MALRD1: variants seen among roughly 807,000 people sequenced by gnomAD.
The protein encoded by MALRD1 is MAM and LDL-receptor class A domain-containing protein 1.
Under a neutral mutation model 242.1 loss-of-function variants are expected in MALRD1, and 247 were observed. That is an observed-to-expected ratio of 1.02 (90% confidence interval 0.92 to 1.13). MALRD1 has a LOEUF of 1.13. Ranked by LOEUF, MALRD1 falls within the 50% of genes most tolerant of loss-of-function variation. The pLI, the probability that MALRD1 is intolerant of heterozygous loss-of-function variation, is 0.00. For missense variants in MALRD1, 2,989 were observed against 2,533.1 expected (o/e 1.18, Z -3.86); for synonymous variants, 995 against 866.6 (o/e 1.15, Z -2.60).
chr10:19,692,640 C>A, intron 38 of MALRD1, 86 bp downstream of exon 38: 1 of 1,039,154 alleles, frequency 9.6e-7, no homozygotes, highest in Non-Finnish European at 1.4e-6. Flanking sequence ...TTTTCTTTCA[C>A]TCCATATTAC....
chr10:19,449,456 C>G (rs1294258102), intron 28 of MALRD1, among the ~76,000 whole-genome samples: 1 of 152,130 alleles, frequency 6.6e-6, no homozygotes, highest in African/African-American at 2.4e-5. Flanking sequence ...TCTAAAAATT[C>G]CAAAATACGT....
chr10:19,357,414 T>C (rs1256978361), intron 26 of MALRD1, among the ~76,000 whole-genome samples: 1 of 152,178 alleles, frequency 6.6e-6, no homozygotes, highest in Non-Finnish European at 1.5e-5. Context: ...GTATTTTTTA[T>C]ATCTCTACCT....
At position 19,128,366 on chromosome 10, in the gene MALRD1, A is replaced by G; in HGVS notation, c.1089A>G (p.Arg363=). The stretch of plus-strand genomic sequence containing the variant: ...ATGCAATGGAAAGCAGTGTCCTGAG[A>G]GTAAGACTGTATAATAATAAGGTAA... ...FYYAMESSVL[R]VRLYNNKEEE... The change falls in exon 8 of 40, where the codon AGA becomes AGG. Residue 363 remains arginine (R), a synonymous_variant. Transcript: ENST00000454679. The G allele has an allele frequency of 8.1e-7, 1 of 1,233,158 alleles. No individual in the cohort carries two copies. Among genetic ancestry groups the G allele is most frequent in the Non-Finnish European group, 1.0e-6 (1 of 987,570 alleles). 76.4% of individuals were successfully genotyped at this position (1,233,158 alleles called of 1,614,324 possible). A position where few individuals can be genotyped will look rare whatever the true frequency, so the allele number is the denominator to read the frequency against.
At chr10:19,238,463 A>ATTATACATT (rs1554817755) in intron 18 of MALRD1, among the ~76,000 whole-genome samples, 5 of 36,976 alleles carry the variant, frequency 1.4e-4, no homozygotes, top group African/African-American at 9.4e-4. Flanking sequence ...TATAATATAT[A>ATTATACATT]ATATAATATA....
At position 19,242,741 on chromosome 10, in the gene MALRD1, G is replaced by A. The variant is rs186018712; in HGVS notation, c.2992-14943G>A. ...GCCTTTTAAAATATGACATGACTGT[G>A]GCTACTCCTGCTTGCTTTTCATTTG... On this transcript the variant is annotated intron_variant, in intron 18 of 39. Coordinates refer to ENST00000454679, the MANE Select transcript of MALRD1 (RefSeq NM_001142308.3). Among the ~76,000 whole-genome samples the A allele has an allele frequency of 4.9e-4, 74 of 151,652 alleles. 1 individual carries two copies. In the South Asian group the frequency reaches 0.011, roughly 23 times the overall value.
intron 33 of MALRD1, among the ~76,000 whole-genome samples, chr10:19,572,105 T>TC (rs1437088155): frequency 2.6e-5 from 4 of 152,176 alleles, no homozygotes; most frequent in Non-Finnish European, 1.5e-5. Context: ...AGCAGTCCTA[T>TC]CCCCCACCAA....
chr10:19,726,408 C>G (rs979958254), intron 38 of MALRD1, among the ~76,000 whole-genome samples: 1 of 152,050 alleles, frequency 6.6e-6, no homozygotes, highest in Non-Finnish European at 1.5e-5. Context: ...TTCACATCCA[C>G]TGAGATAGCA....
chr10:19,203,292 A>C (rs1836631622), intron 14 of MALRD1, among the ~76,000 whole-genome samples: 1 of 152,192 alleles, frequency 6.6e-6, no homozygotes, highest in South Asian at 2.1e-4. Flanking sequence ...AATATAGTGT[A>C]TCTGGGATTC....
intron 9 of MALRD1, among the ~76,000 whole-genome samples, 192 bp downstream of exon 9, chr10:19,134,140 G>A (rs1426924482): frequency 4.6e-5 from 7 of 152,050 alleles, no homozygotes; most frequent in African/African-American, 1.4e-4. Context: ...CCCATGGCGG[G>A]GGAAATTGAG....
intron 22 of MALRD1, among the ~76,000 whole-genome samples, chr10:19,325,312 C>A (rs1041895233): frequency 6.6e-6 from 1 of 151,882 alleles, no homozygotes; most frequent in Non-Finnish European, 1.5e-5. Context: ...GCCCATTATT[C>A]TTTGAGCATA....
chr10:19,318,775 C>T (rs994089777), intron 21 of MALRD1, among the ~76,000 whole-genome samples: 2 of 151,918 alleles, frequency 1.3e-5, no homozygotes, highest in Admixed American at 1.3e-4. Context: ...ATTTTTATTA[C>T]ACATGTGCTT....
intron 32 of MALRD1, among the ~76,000 whole-genome samples, chr10:19,560,291 A>G (rs1483525636): frequency 6.6e-6 from 1 of 152,142 alleles, no homozygotes; most frequent in Non-Finnish European, 1.5e-5. Flanking sequence ...ACATGGTGAA[A>G]CACTGTCTCT....
At chr10:19,101,897 A>C (rs1349478873) in intron 4 of MALRD1, among the ~76,000 whole-genome samples, 1 of 137,532 alleles carries the variant, frequency 7.3e-6, no homozygotes, top group East Asian at 2.1e-4. Flanking sequence ...AATATATATT[A>C]ATATATAATA....
intron 21 of MALRD1, among the ~76,000 whole-genome samples, chr10:19,308,958 G>C (rs1490766652): frequency 5.3e-5 from 8 of 151,554 alleles, no homozygotes; most frequent in Non-Finnish European, 1.0e-4. Context: ...GTTTCTGTTT[G>C]TTTTAGATTT....
At chr10:19,244,970 A>G (rs572235218) in intron 18 of MALRD1, among the ~76,000 whole-genome samples, 2 of 152,298 alleles carry the variant, frequency 1.3e-5, no homozygotes, top group East Asian at 3.9e-4. Flanking sequence ...TCACAATAGT[A>G]TCTTAGATGA....
intron 19 of MALRD1, among the ~76,000 whole-genome samples, chr10:19,270,829 C>CACAT (rs1437518080): frequency 1.3e-5 from 2 of 151,508 alleles, no homozygotes; most frequent in Non-Finnish European, 2.9e-5. Context: ...CACACACACA[C>CACAT]ACACACACAC....
Position 19,108,479 on chromosome 10 carries a change from A to G in MALRD1, c.694+4404A>G, listed in dbSNP as rs1308917235. Among the ~76,000 whole-genome samples the G allele has an allele frequency of 8.6e-5, 2 of 23,350 alleles. 1 individual carries two copies. The highest frequency in any genetic ancestry group is 1.3e-4 in the Non-Finnish European group (2 of 15,896). The allele number at this position is 23,350 out of a possible 152,430, so 15.3% of individuals were successfully genotyped here. A position where few individuals can be genotyped will look rare whatever the true frequency, so the allele number is the denominator to read the frequency against. On this transcript the variant is annotated intron_variant, in intron 5 of 39. Coordinates refer to ENST00000454679, the MANE Select transcript of MALRD1 (RefSeq NM_001142308.3). ...CCGGACTGCGGACTGCAGTGGCGCAATCTCGGCTCACTGCAAGCTCCGCTT... is the reference window on the plus strand; with the variant it reads ...CCGGACTGCGGACTGCAGTGGCGCAGTCTCGGCTCACTGCAAGCTCCGCTT...
intron 26 of MALRD1, among the ~76,000 whole-genome samples, chr10:19,372,927 C>T (rs551164028): frequency 6.6e-6 from 1 of 152,206 alleles, no homozygotes; most frequent in South Asian, 2.1e-4. Flanking sequence ...GATTACTAAT[C>T]AGCTCATATA....
chr10:19,075,719 G>A (rs970787937), intron 2 of MALRD1, among the ~76,000 whole-genome samples: 1 of 152,002 alleles, frequency 6.6e-6, no homozygotes. Flanking sequence ...TTCCATTTCA[G>A]CCTTTTATGC....
Sources: gnomAD v4.1 joint callset for allele counts (sites outside exome capture counted in the v4.1 genomes callset) on GRCh38, gnomAD v4.1.1 for gene constraint, MANE v1.5 for transcripts, NCBI Gene and HGNC (gene_info 2026-07-23, HGNC 2026-07-21) for gene names.